TRPC4: variants seen among roughly 807,000 people sequenced by gnomAD.
TRPC4 encodes transient receptor potential cation channel subfamily C member 4, also known as short transient receptor potential channel 4.
In TRPC4, 49 loss-of-function variants were observed where a neutral mutation model predicts 99.4. The observed-to-expected ratio is 0.49, with a 90% CI of 0.39 to 0.63. The LOEUF is 0.63. Ranked by LOEUF, TRPC4 falls within the 20% of genes least tolerant of loss-of-function variation. The pLI is 0.00. For synonymous variants in TRPC4, 454 were observed against 425.9 expected (o/e 1.07, Z -0.81); for missense variants, 898 against 1,152.9 (o/e 0.78, Z 3.20).
At chr13:37,654,490 G>A (rs1412552588) in intron 7 of TRPC4, among the ~76,000 whole-genome samples, 3 of 152,116 alleles carry the variant, frequency 2.0e-5, no homozygotes, top group Non-Finnish European at 4.4e-5. Flanking sequence ...AACACAGTAT[G>A]TACCCAGTAA....
At chr13:37,825,743 T>G (rs1216761502) in intron 1 of TRPC4, among the ~76,000 whole-genome samples, 4 of 150,368 alleles carry the variant, frequency 2.7e-5, no homozygotes, top group Non-Finnish European at 5.9e-5. Flanking sequence ...AAAAAATGTA[T>G]ATTCTGTTGA....
intron 2 of TRPC4, among the ~76,000 whole-genome samples, chr13:37,757,130 C>T (rs2139221140): frequency 6.6e-6 from 1 of 151,902 alleles, no homozygotes; most frequent in South Asian, 2.1e-4. Context: ...CCTATTAGTA[C>T]ATTAAATAAA....
At position 37,692,305 on chromosome 13, in the gene TRPC4, G is replaced by C; in HGVS notation, c.928C>G (p.Leu310Val). Residue 310 changes from leucine to valine, a missense_variant, in exon 4 of 11, where the codon CTG becomes GTG. Physicochemically the swap from Leu to Val is conservative, Grantham distance 32 (BLOSUM62 1). This residue lies in a region of TRPC4 where 274 missense variants were observed against 454.9 expected (regional missense o/e 0.60). Transcript: ENST00000379705. ...AACTCATCGTACCAGCGAGATGCCAGCAGCTGTTGACAATTGGGCTGGGCA... is the reference window on the plus strand; with the variant it reads ...AACTCATCGTACCAGCGAGATGCCACCAGCTGTTGACAATTGGGCTGGGCA... ...FVAQPNCQQL[L>V]ASRWYDEFPG... is the part of the protein sequence containing the mutation. 1 of 1,613,966 alleles carries C rather than the reference G, an allele frequency of 6.2e-7. No individual in the cohort carries two copies. Among genetic ancestry groups the C allele is most frequent in the Middle Eastern group, 1.7e-4 (1 of 6,054 alleles).
intron 6 of TRPC4, 33 bp from the exon 7 acceptor site, chr13:37,655,316 T>G: frequency 1.5e-6 from 2 of 1,305,108 alleles, no homozygotes; most frequent in Non-Finnish European, 2.0e-6. Context: ...CTAATAGCTA[T>G]ATTAATGGAA....
At position 37,647,443 on chromosome 13, in the gene TRPC4, T is replaced by A. The variant is rs942434600; in HGVS notation, c.2079+3822A>T. On this transcript the variant is annotated intron_variant, in intron 8 of 10. Transcript: ENST00000379705. ...TCTAAGAGGCAGCTGAAAACAATGA[T>A]AGGATCTGCAAAGGCTGCTGAGAAC... Among the ~76,000 whole-genome samples the A allele has an allele frequency of 4.6e-5, 7 of 151,980 alleles. No homozygotes were observed. In the East Asian group the frequency reaches 1.4e-3, roughly 29 times the overall value.
chr13:37,787,118 G>A (rs1174119239), intron 1 of TRPC4, among the ~76,000 whole-genome samples: 3 of 151,732 alleles, frequency 2.0e-5, no homozygotes, highest in Non-Finnish European at 4.4e-5. Flanking sequence ...GTGAATTTGA[G>A]TTCCAAGGAA....
intron 8 of TRPC4, among the ~76,000 whole-genome samples, chr13:37,650,932 G>T (rs1028481487): frequency 5.9e-5 from 9 of 152,140 alleles, no homozygotes; most frequent in African/African-American, 1.9e-4. Context: ...CAAATAACCT[G>T]CTGTCACATT....
At chr13:37,638,780 C>T (rs1413344112) in intron 10 of TRPC4, among the ~76,000 whole-genome samples, 1 of 152,168 alleles carries the variant, frequency 6.6e-6, no homozygotes, top group Non-Finnish European at 1.5e-5. Context: ...CAGAAGCTCA[C>T]TCTGGGATCA....
At chr13:37,839,477 T>A (rs1958670544) in intron 1 of TRPC4, among the ~76,000 whole-genome samples, 1 of 152,212 alleles carries the variant, frequency 6.6e-6, no homozygotes, top group Non-Finnish European at 1.5e-5. Flanking sequence ...AAAGTTACAG[T>A]CAATCAATTT....
intron 2 of TRPC4, among the ~76,000 whole-genome samples, chr13:37,757,447 A>C (rs1956124436): frequency 6.6e-6 from 1 of 152,098 alleles, no homozygotes; most frequent in Non-Finnish European, 1.5e-5. Context: ...TGGAAGACAA[A>C]TACAATTTTT....
In TRPC4 at chr13:37,753,503, A is replaced by G. The variant is rs771054011; in HGVS notation, c.379-7048T>C. Among the ~76,000 whole-genome samples the G allele has an allele frequency of 4.0e-4, 61 of 151,514 alleles. 2 individuals carry two copies. Among genetic ancestry groups the G allele is most frequent in the Admixed American group, 2.8e-3 (42 of 15,162 alleles). On this transcript the variant is annotated intron_variant, in intron 2 of 10. Coordinates refer to ENST00000379705, the MANE Select transcript of TRPC4 (RefSeq NM_016179.4). ...TTGGATTAGACTTGTAGCCATGGAAAAGGAAAGGATATGATTGCACCCTGC... is the reference window on the plus strand; with the variant it reads ...TTGGATTAGACTTGTAGCCATGGAAGAGGAAAGGATATGATTGCACCCTGC...
chr13:37,734,687 A>G (rs895392675), intron 3 of TRPC4, among the ~76,000 whole-genome samples: 2 of 152,180 alleles, frequency 1.3e-5, no homozygotes, highest in Admixed American at 1.3e-4. Flanking sequence ...AGATAAAAAG[A>G]GGAGAATCAA....
intron 1 of TRPC4, among the ~76,000 whole-genome samples, chr13:37,815,838 A>G (rs575615493): frequency 6.6e-6 from 1 of 151,920 alleles, no homozygotes; most frequent in South Asian, 2.1e-4. Context: ...CATGTGATAC[A>G]TACTCTAAAA....
chr13:37,681,778 T>C (rs1276501419), intron 4 of TRPC4, among the ~76,000 whole-genome samples: 1 of 152,198 alleles, frequency 6.6e-6, no homozygotes, highest in Non-Finnish European at 1.5e-5. Context: ...GAAATTGCTC[T>C]TTGCTGTTTA....
At chr13:37,790,687 C>T (rs1241972171) in intron 1 of TRPC4, among the ~76,000 whole-genome samples, 1 of 152,136 alleles carries the variant, frequency 6.6e-6, no homozygotes. Context: ...TAATCATTTT[C>T]CCGCCTTGAA....
chr13:37,676,663 G>A (rs1307695588), intron 4 of TRPC4, among the ~76,000 whole-genome samples: 1 of 152,156 alleles, frequency 6.6e-6, no homozygotes, highest in Non-Finnish European at 1.5e-5. Flanking sequence ...GAGCCACCGC[G>A]CCCGGCCTGG....
chr13:37,745,484 A>C (rs1955734628), intron 3 of TRPC4, among the ~76,000 whole-genome samples: 1 of 139,984 alleles, frequency 7.1e-6, no homozygotes, highest in Non-Finnish European at 1.5e-5. Context: ...ACACACACAC[A>C]CACACTTATA....
chr13:37,865,757 A>G (rs1959701521), intron 1 of TRPC4, among the ~76,000 whole-genome samples: 1 of 151,774 alleles, frequency 6.6e-6, no homozygotes, highest in Admixed American at 6.6e-5. Context: ...CTTTACCATC[A>G]GGTAGACGTA....
chr13:37,644,789 C>T lies in TRPC4; in HGVS notation c.2080-5490G>A, dbSNP rs140586701. Among the ~76,000 whole-genome samples, 855 of 140,612 alleles carry T rather than the reference C, an allele frequency of 6.1e-3. 9 individuals carry two copies. The highest frequency in any genetic ancestry group is 0.021 in the African/African-American group (807 of 37,986). 92.2% of individuals were successfully genotyped at this position (140,612 alleles called of 152,430 possible). A position where few individuals can be genotyped will look rare whatever the true frequency, so the allele number is the denominator to read the frequency against. The stretch of plus-strand genomic sequence containing the variant: ...TCAGGAGGCTAAGGTGGGAGAATGG[C>T]GTGAACCCGGGAGGTGGAGCCTGTG... On this transcript the variant is annotated intron_variant, in intron 8 of 10. Coordinates refer to ENST00000379705, the MANE Select transcript of TRPC4 (RefSeq NM_016179.4).
Sources: allele counts gnomAD v4.1 joint callset (sites outside exome capture counted in the v4.1 genomes callset), GRCh38; gene constraint gnomAD v4.1.1; regional missense constraint gnomAD v4.1.1; transcripts MANE v1.5; gene names NCBI Gene and HGNC (gene_info 2026-07-23, HGNC 2026-07-21).